The following PKD1L1 variants were observed in gnomAD, a reference collection of about 807,000 sequenced individuals.
PKD1L1 encodes polycystin 1 like 1, transient receptor potential channel interacting.
Under a neutral mutation model 323.4 loss-of-function variants are expected in PKD1L1, and 236 were observed. That is an observed-to-expected ratio of 0.73 (90% CI 0.66 to 0.81). The LOEUF (loss-of-function observed/expected upper bound fraction) is 0.81. PKD1L1 is among the 40% of genes least tolerant of loss of function. The pLI is 0.00. For synonymous variants in PKD1L1, 1,344 were observed against 1,335.0 expected, an observed-to-expected ratio of 1.01 and a Z score of -0.15; for missense variants, 3,320 against 3,508.0, an observed-to-expected ratio of 0.95 and a Z score of 1.35.
chr7:47,943,557 C>A, intron 1 of PKD1L1, 46 bp from the exon 2 acceptor site: 1 of 1,440,262 alleles, frequency 6.9e-7, no homozygotes, highest in South Asian at 1.2e-5. Flanking sequence ...TAAGTACAAT[C>A]GTTTAATCAC....
intron 34 of PKD1L1, among the ~76,000 whole-genome samples, chr7:47,841,436 T>C (rs897157860): frequency 6.6e-6 from 1 of 152,192 alleles, no homozygotes; most frequent in Admixed American, 6.5e-5. Flanking sequence ...CTCTTGAGAG[T>C]TGGCATGACT....
At position 47,800,836 on chromosome 7, in the gene PKD1L1, C is replaced by T. The variant is rs369504382; in HGVS notation, c.8006G>A (p.Arg2669Gln). 37 of 1,614,030 alleles carry T rather than the reference C, an allele frequency of 2.3e-5. No individual in the cohort carries two copies. Among genetic ancestry groups the T allele is most frequent in the Middle Eastern group, 1.6e-4 (1 of 6,062 alleles). Reference sequence around the variant, plus strand: ...TAGAACCCACATAGAGAGCAGAAATCGGTGCAGGTGGGAGAGGGCGGCCAG... The same window carrying T: ...TAGAACCCACATAGAGAGCAGAAATTGGTGCAGGTGGGAGAGGGCGGCCAG... ...LMLAALSHLH[R>Q]FLLSMWVLPP... The change falls in exon 54 of 57, where the codon CGA becomes CAA. Residue 2669 changes from arginine to glutamine, a missense_variant. Coordinates refer to ENST00000289672, the MANE Select transcript of PKD1L1 (RefSeq NM_138295.5).
chr7:47,797,298 C>T (rs1224911453), intron 54 of PKD1L1, among the ~76,000 whole-genome samples: 3 of 152,198 alleles, frequency 2.0e-5, no homozygotes, highest in African/African-American at 7.2e-5. Context: ...AGTTTCATAG[C>T]ATGAAGTATG....
At chr7:47,808,924 T>G (rs528903928) in intron 51 of PKD1L1, among the ~76,000 whole-genome samples, 3 of 152,342 alleles carry the variant, frequency 2.0e-5, no homozygotes, top group South Asian at 2.1e-4. Flanking sequence ...TAAACACGTT[T>G]TTCTTTCTTC....
Position 47,880,818 on chromosome 7 carries a change from C to A in PKD1L1, c.3443-13G>T. ...TGTTCTGTAATACCTGCAGAAAAGA[C>A]ATGGCTGCATGGAAATGACAGTCAG... On this transcript the variant is annotated splice_polypyrimidine_tract_variant and intron_variant, in intron 20 of 56. Transcript: ENST00000289672. The A allele has an allele frequency of 6.3e-7, 1 of 1,587,498 alleles. No individual in the cohort carries two copies.
chr7:47,877,362 G>A, intron 22 of PKD1L1, 127 bp downstream of exon 22: 12 of 1,349,420 alleles, frequency 8.9e-6, no homozygotes, highest in African/African-American at 1.5e-5. Context: ...AACATTCAAC[G>A]GCAGGCTGAA....
Position 47,943,166 on chromosome 7 carries a change from ATATATATATATAT to A in PKD1L1, c.160+217_160+229del, listed in dbSNP as rs1563001823. Among the ~76,000 whole-genome samples the A allele has an allele frequency of 6.9e-3, 227 of 32,892 alleles. 3 individuals carry two copies. Among genetic ancestry groups the A allele is most frequent in the African/African-American group, 0.031 (209 of 6,756 alleles). The allele number at this position is 32,892 out of a possible 152,430, so 21.6% of individuals were successfully genotyped here. A position where few individuals can be genotyped will look rare whatever the true frequency, so the allele number is the denominator to read the frequency against. On this transcript the variant is annotated intron_variant, in intron 2 of 56. Coordinates refer to ENST00000289672, the MANE Select transcript of PKD1L1 (RefSeq NM_138295.5). ...GTCTCAAAAAAAAAAAAAAAAAAAT[ATATATATATATAT>A]ATATATATATATATATATGTGTGTG...
chr7:47,803,822 G>C (rs764196116), intron 52 of PKD1L1, among the ~76,000 whole-genome samples: 6 of 152,146 alleles, frequency 3.9e-5, no homozygotes, highest in Non-Finnish European at 7.4e-5. Context: ...TTGCAAATAC[G>C]GGAGGCACTC....
chr7:47,827,627 G>C (rs971147264), intron 44 of PKD1L1, among the ~76,000 whole-genome samples, 159 bp from the exon 45 acceptor site: 1 of 152,366 alleles, frequency 6.6e-6, no homozygotes, highest in East Asian at 1.9e-4. Context: ...CATAGACCAG[G>C]TTGTTGGGGA....
At position 47,829,575 on chromosome 7, in the gene PKD1L1, A is replaced by G; in HGVS notation, c.6585T>C (p.Ala2195=). 1 of 1,612,992 alleles carries G rather than the reference A, an allele frequency of 6.2e-7. No individual in the cohort carries two copies. Among genetic ancestry groups the G allele is most frequent in the Non-Finnish European group, 8.5e-7 (1 of 1,179,688 alleles). The change falls in exon 44 of 57, where the codon GCT becomes GCC. Residue 2195 remains alanine (A), a synonymous_variant. Coordinates refer to ENST00000289672, the MANE Select transcript of PKD1L1 (RefSeq NM_138295.5). ...LMVCLMALGF[A]WKRRADNHFF... ...AGTGGTTGTCAGCTCTTCTTTTCCAAGCAAAACCCAAGGCCATGAGGCATA... is the reference window on the plus strand; with the variant it reads ...AGTGGTTGTCAGCTCTTCTTTTCCAGGCAAAACCCAAGGCCATGAGGCATA...
intron 4 of PKD1L1, among the ~76,000 whole-genome samples, chr7:47,935,423 T>C (rs1271477317): frequency 6.6e-5 from 10 of 152,042 alleles, no homozygotes; most frequent in Middle Eastern, 3.2e-3. Context: ...CCATAAAAGG[T>C]AGGCATATTG....
Position 47,877,397 on chromosome 7 carries a change from T to C in PKD1L1, c.3663+92A>G, listed in dbSNP as rs2348662. 448,989 of 1,512,368 alleles carry C rather than the reference T, an allele frequency of 0.3. 70,836 individuals are homozygous for C. Among genetic ancestry groups the C allele is most frequent in the African/African-American group, 0.57 (41,539 of 72,894 alleles). The allele number at this position is 1,512,368 out of a possible 1,614,324, so 93.7% of individuals were successfully genotyped here. A position where few individuals can be genotyped will look rare whatever the true frequency, so the allele number is the denominator to read the frequency against. On this transcript the variant is annotated intron_variant, in intron 22 of 56. Transcript: ENST00000289672. Reference sequence around the variant, plus strand: ...AATCCTTCACAGGTGGGAAGGACATTGCTGTCCATTCCTACAGCACCCGTG... The same window carrying C: ...AATCCTTCACAGGTGGGAAGGACATCGCTGTCCATTCCTACAGCACCCGTG...
chr7:47,844,106 C>T (rs995689349), intron 33 of PKD1L1, among the ~76,000 whole-genome samples: 4 of 152,318 alleles, frequency 2.6e-5, no homozygotes, highest in African/African-American at 9.6e-5. Flanking sequence ...GGCTGCTTCC[C>T]CCATGGTTTG....
rs755037657 is a variant in PKD1L1, at chr7:47,837,114, A to T, written c.5770-20T>A. ...GAAAAGCTGAAACGGAAAGCAGGAGAAGTGTTCCCTGACATGGAGCATTTC... is the reference window on the plus strand; with the variant it reads ...GAAAAGCTGAAACGGAAAGCAGGAGTAGTGTTCCCTGACATGGAGCATTTC... On this transcript the variant is annotated intron_variant, in intron 36 of 56. Coordinates refer to ENST00000289672, the MANE Select transcript of PKD1L1 (RefSeq NM_138295.5). The T allele has an allele frequency of 6.2e-7, 1 of 1,612,810 alleles. No homozygotes were observed. The highest frequency in any genetic ancestry group is 8.5e-7 in the Non-Finnish European group (1 of 1,178,974).
chr7:47,890,401 T>C lies in PKD1L1; in HGVS notation c.2675+141A>G. On this transcript the variant is annotated intron_variant, in intron 16 of 56. Transcript: ENST00000289672. The stretch of plus-strand genomic sequence containing the variant: ...CCCAGCCGCTTTCTGAACAGTCTTC[T>C]CCTCCTCCTTTGCAGTGAGAATCCT... The C allele has an allele frequency of 6.2e-6, 5 of 805,520 alleles. No homozygotes were observed. The South Asian group carries it at 8.5e-5, about 14-fold the overall frequency. The allele number at this position is 805,520 out of a possible 1,614,324, so 49.9% of individuals were successfully genotyped here.
intron 18 of PKD1L1, 68 bp from the exon 19 acceptor site, chr7:47,884,725 TC>T: frequency 2.4e-6 from 3 of 1,259,954 alleles, no homozygotes; most frequent in South Asian, 1.2e-5. Context: ...TAACAGCAGC[TC>T]CCCTGATGGG....
At chr7:47,921,974 A>T (rs1371321871) in intron 7 of PKD1L1, among the ~76,000 whole-genome samples, 1 of 145,574 alleles carries the variant, frequency 6.9e-6, no homozygotes, top group Non-Finnish European at 1.5e-5. Context: ...CCGAGGCTGG[A>T]CTGTACTGCT....
At chr7:47,904,307 G>C (rs1464472466) in intron 12 of PKD1L1, 71 bp downstream of exon 12, 3 of 1,594,788 alleles carry the variant, frequency 1.9e-6, no homozygotes, top group African/African-American at 2.7e-5. Context: ...TGGAACCCAA[G>C]GGCTGATGCC....
chr7:47,834,976 C>T lies in PKD1L1; in HGVS notation c.6118G>A (p.Ala2040Thr), dbSNP rs745716323. 53 of 1,613,492 alleles carry T rather than the reference C, an allele frequency of 3.3e-5. No homozygotes were observed. In the East Asian group the frequency reaches 5.1e-4, roughly 16 times the overall value. ...SPLRGGAQTE[A>T]PHGPNSWGRI... ...TTTAATGTACATTTACCATGGGGTG[C>T]CTCGGTCTGTGCTCCTCCTCTAAGT... The change falls in exon 39 of 57, where the codon GCA (alanine) becomes ACA (threonine). Residue 2040 changes from alanine to threonine, a missense_variant. By Grantham distance (58) the Ala-to-Thr change is moderately conservative (BLOSUM62 0). Transcript: ENST00000289672.
Sources: allele counts gnomAD v4.1 joint callset (sites outside exome capture counted in the v4.1 genomes callset), GRCh38; gene constraint gnomAD v4.1.1; transcripts MANE v1.5; gene names NCBI Gene and HGNC (gene_info 2026-07-23, HGNC 2026-07-21).